Variants in ODR4 observed in about 807,000 individuals in gnomAD.
ODR4 encodes the protein odr-4 GPCR localization factor homolog, also known as protein odr-4 homolog.
ODR4 carries 47 observed loss-of-function variants against 60.2 expected under a neutral mutation model. That is an observed-to-expected ratio of 0.78 (90% CI 0.62 to 1.00). The LOEUF (loss-of-function observed/expected upper bound fraction) is 1.00, where lower values mean the gene tolerates loss of function less well. ODR4 is among the 50% of genes least tolerant of loss of function. ODR4 has a pLI of 0.00. For missense variants in ODR4, 488 were observed against 530.8 expected (o/e 0.92, Z 0.79); for synonymous variants, 178 against 175.5 (o/e 1.01, Z -0.11).
intron 1 of ODR4, among the ~76,000 whole-genome samples, chr1:186,378,464 A>T (rs1558054669): frequency 6.6e-6 from 1 of 152,184 alleles, no homozygotes; most frequent in Non-Finnish European, 1.5e-5. Flanking sequence ...TAGCTCTTTT[A>T]TTCAATATCT....
Position 186,417,572 on chromosome 1 carries a change from A to G in ODR4, c.1215A>G (p.Gln405=), listed in dbSNP as rs747207899. ...GTATGAGTTCTTCTATGAATAGTCA[A>G]GCTTCATTGGACAACACAGATGATG... The part of the protein sequence containing the change: ...TACMSSSMNS[Q]ASLDNTDDEQ... The change falls in exon 13 of 14, where the codon CAA becomes CAG. Residue 405 remains glutamine (Q), a synonymous_variant. Coordinates refer to ENST00000287859, the MANE Select transcript of ODR4 (RefSeq NM_017847.6). 1.2e-5 allele frequency: 19 copies of G among 1,598,226 alleles called. No homozygotes were observed. The highest frequency in any genetic ancestry group is 1.7e-4 in the Middle Eastern group (1 of 5,994).
At chr1:186,390,675 A>G (rs1027851785) in intron 6 of ODR4, 36 bp from the exon 7 acceptor site, 3 of 1,604,706 alleles carry the variant, frequency 1.9e-6, no homozygotes, top group African/African-American at 2.7e-5. Flanking sequence ...TATCTAGACT[A>G]CATCATAGTT....
chr1:186,397,590 T>C (rs1024331365), intron 9 of ODR4, among the ~76,000 whole-genome samples: 11 of 152,324 alleles, frequency 7.2e-5, no homozygotes, highest in African/African-American at 2.4e-4. Context: ...TAAAATCTTA[T>C]ATGCTCCAAT....
intron 1 of ODR4, among the ~76,000 whole-genome samples, chr1:186,377,198 C>T (rs547350117): frequency 1.3e-5 from 2 of 151,946 alleles, no homozygotes; most frequent in East Asian, 3.9e-4. Flanking sequence ...GGAATAGTGA[C>T]AAGAAAAAAC....
At chr1:186,390,627 G>A in intron 6 of ODR4, 84 bp from the exon 7 acceptor site, 1 of 1,377,424 alleles carries the variant, frequency 7.3e-7, no homozygotes, top group South Asian at 1.2e-5. Flanking sequence ...CGTTATTTAG[G>A]TTGTATATTT....
intron 11 of ODR4, among the ~76,000 whole-genome samples, chr1:186,403,808 A>T (rs542683098): frequency 6.6e-6 from 1 of 152,216 alleles, no homozygotes; most frequent in African/African-American, 2.4e-5. Context: ...TAGATGACCT[A>T]CTCATTGTGA....
intron 12 of ODR4, among the ~76,000 whole-genome samples, chr1:186,408,339 A>T (rs1661245503): frequency 6.6e-6 from 1 of 152,020 alleles, no homozygotes; most frequent in Admixed American, 6.6e-5. Context: ...CATGATATAG[A>T]TACATATTTT....
At chr1:186,406,349 G>A in intron 12 of ODR4, 81 bp downstream of exon 12, 1 of 1,078,582 alleles carries the variant, frequency 9.3e-7, no homozygotes, top group Non-Finnish European at 1.3e-6. Flanking sequence ...TAAATATCAT[G>A]TCTTTAGATT....
chr1:186,432,082 G>A, the ODR4 span, among the ~76,000 whole-genome samples: 4 of 152,160 alleles, frequency 2.6e-5, no homozygotes, highest in Non-Finnish European at 5.9e-5. Flanking sequence ...GTGGGAACAA[G>A]TTTTGGTAGC....
chr1:186,377,531 T>A (rs536309928), intron 1 of ODR4, among the ~76,000 whole-genome samples: 1 of 152,344 alleles, frequency 6.6e-6, no homozygotes, highest in African/African-American at 2.4e-5. Flanking sequence ...TTAGAATTAC[T>A]TGTATTTGTT....
At chr1:186,388,413 C>A in intron 4 of ODR4, 29 bp from the exon 5 acceptor site, 1 of 1,272,214 alleles carries the variant, frequency 7.9e-7, no homozygotes, top group South Asian at 1.4e-5. Flanking sequence ...ATTTTACATT[C>A]AATTAGTGTG....
chr1:186,411,621 A>G (rs1376982352), intron 12 of ODR4, among the ~76,000 whole-genome samples: 1 of 151,934 alleles, frequency 6.6e-6, no homozygotes, highest in Non-Finnish European at 1.5e-5. Context: ...GTGAAATATT[A>G]GCATGAACCA....
Position 186,419,133 on chromosome 1 carries a change from T to A in ODR4, c.*57T>A. The A allele has an allele frequency of 7.1e-7, 1 of 1,407,378 alleles. No homozygotes were observed. Among genetic ancestry groups the A allele is most frequent in the East Asian group, 2.3e-5 (1 of 42,816 alleles). The allele number at this position is 1,407,378 out of a possible 1,614,324, so 87.2% of individuals were successfully genotyped here. A position where few individuals can be genotyped will look rare whatever the true frequency, so the allele number is the denominator to read the frequency against. On this transcript the variant is annotated 3_prime_UTR_variant, in exon 14 of 14. Coordinates refer to ENST00000287859, the MANE Select transcript of ODR4 (RefSeq NM_017847.6). Reference sequence around the variant, plus strand: ...GAGAACATTGACAGACAATTATGAATAATAAAGATGTTAACAATCCATCTG... The same window carrying A: ...GAGAACATTGACAGACAATTATGAAAAATAAAGATGTTAACAATCCATCTG...
intron 8 of ODR4, among the ~76,000 whole-genome samples, chr1:186,393,386 G>C (rs1437539640): frequency 6.6e-6 from 1 of 152,198 alleles, no homozygotes; most frequent in Non-Finnish European, 1.5e-5. Context: ...GTAAACTGCT[G>C]ACCTGCAACC....
chr1:186,392,879 C>T (rs527475018), intron 8 of ODR4, among the ~76,000 whole-genome samples: 29 of 152,294 alleles, frequency 1.9e-4, no homozygotes, highest in Admixed American at 5.2e-4. Flanking sequence ...TGGCAGGTGC[C>T]TGTAAGCACA....
At chr1:186,428,375 ACTT>A in the ODR4 span, among the ~76,000 whole-genome samples, 3 of 152,156 alleles carry the variant, frequency 2.0e-5, no homozygotes, top group Non-Finnish European at 2.9e-5. Flanking sequence ...CTAGCTTCAG[ACTT>A]CTTCTGCTTC....
At chr1:186,400,891 A>G (rs1177697093) in intron 11 of ODR4, 2 of 632,752 alleles carry the variant, frequency 3.2e-6, no homozygotes, top group African/African-American at 1.9e-5. Context: ...ACCTGTTCAC[A>G]TAGTCCATCA....
At chr1:186,402,057 T>C (rs1157288913) in intron 11 of ODR4, among the ~76,000 whole-genome samples, 1 of 152,040 alleles carries the variant, frequency 6.6e-6, no homozygotes, top group Non-Finnish European at 1.5e-5. Context: ...TATTTCTTCT[T>C]GTTTTCTGTC....
chr1:186,392,953 C>G (rs549771648), intron 8 of ODR4, among the ~76,000 whole-genome samples: 1 of 152,112 alleles, frequency 6.6e-6, no homozygotes, highest in Non-Finnish European at 1.5e-5. Context: ...TGCATTGAGC[C>G]GAGATCGTGC....
Sources: gnomAD v4.1 joint callset for allele counts (sites outside exome capture counted in the v4.1 genomes callset) on GRCh38, gnomAD v4.1.1 for gene constraint, MANE v1.5 for transcripts, NCBI Gene and HGNC (gene_info 2026-07-23, HGNC 2026-07-21) for gene names.